The following ATP10A variants were observed in gnomAD, a reference collection of about 807,000 sequenced individuals.
ATP10A encodes the protein ATPase phospholipid transporting 10A (putative).
A neutral mutation model predicts 147.8 loss-of-function variants in ATP10A; 111 were observed. The ratio of observed to expected loss-of-function variants is 0.75; its 90% confidence interval spans 0.64 to 0.88. The LOEUF is 0.88. Ranked by LOEUF, ATP10A falls within the 40% of genes least tolerant of loss-of-function variation. ATP10A has a pLI of 0.00. For missense variants in ATP10A, 1,927 were observed against 1,959.0 expected (o/e 0.98, Z 0.31); for synonymous variants, 875 against 841.6 (o/e 1.04, Z -0.69).
chr15:25,746,341 T>C (rs145666012), intron 2 of ATP10A, among the ~76,000 whole-genome samples: 7 of 152,270 alleles, frequency 4.6e-5, no homozygotes, highest in Middle Eastern at 3.4e-3. Flanking sequence ...CCTAATAGCA[T>C]AAACTCAAAT....
intron 1 of ATP10A, among the ~76,000 whole-genome samples, chr15:25,842,065 GT>G (rs546512793): frequency 0.017 from 2,664 of 152,282 alleles, 33 homozygotes; most frequent in African/African-American, 0.042. Flanking sequence ...ACCTGTTGCT[GT>G]TGTGTGGGTG....
At chr15:25,722,063 A>G (rs1028433342) in intron 6 of ATP10A, among the ~76,000 whole-genome samples, 154 bp from the exon 7 acceptor site, 8 of 152,216 alleles carry the variant, frequency 5.3e-5, no homozygotes, top group African/African-American at 1.9e-4. Flanking sequence ...GTTTAGAGTC[A>G]GTATTGGAAA....
At chr15:25,732,733 G>T (rs527594289) in intron 3 of ATP10A, among the ~76,000 whole-genome samples, 11 of 151,594 alleles carry the variant, frequency 7.3e-5, no homozygotes, top group African/African-American at 9.7e-5. Flanking sequence ...TTTTTTGTAT[G>T]TTTAGTAGAG....
intron 13 of ATP10A, among the ~76,000 whole-genome samples, chr15:25,698,172 C>A (rs570777284): frequency 6.6e-6 from 1 of 152,230 alleles, no homozygotes; most frequent in South Asian, 2.1e-4. Flanking sequence ...ACATTGGCTC[C>A]TTAATGTGAT....
chr15:25,834,703 A>C (rs1892516720), intron 1 of ATP10A, among the ~76,000 whole-genome samples: 1 of 152,266 alleles, frequency 6.6e-6, no homozygotes, highest in Admixed American at 6.5e-5. Flanking sequence ...AGCCAAAAGT[A>C]GAAACAGCCC....
At position 25,732,168 on chromosome 15, in the gene ATP10A, T is replaced by C. The variant is rs116791612; in HGVS notation, c.740+3888A>G. 8.0e-3 allele frequency among the ~76,000 whole-genome samples: 1,216 copies of C among 152,270 alleles called. 16 individuals are homozygous for C. The highest frequency in any genetic ancestry group is 0.028 in the African/African-American group (1,155 of 41,548). On this transcript the variant is annotated intron_variant, in intron 3 of 20. Coordinates refer to ENST00000555815, the MANE Select transcript of ATP10A (RefSeq NM_024490.4). Reference sequence around the variant, plus strand: ...GGCATGAGCCACTGCACAGGCTAATTTTTTTTCTGTTTGTATTTGTATCAT... The same window carrying C: ...GGCATGAGCCACTGCACAGGCTAATCTTTTTTCTGTTTGTATTTGTATCAT...
At chr15:25,751,242 C>A (rs1001715962) in intron 2 of ATP10A, among the ~76,000 whole-genome samples, 6 of 151,982 alleles carry the variant, frequency 3.9e-5, no homozygotes, top group Non-Finnish European at 8.8e-5. Context: ...CCAAAATGCC[C>A]CTGACAACAA....
At chr15:25,697,531 C>A (rs889228776) in intron 13 of ATP10A, among the ~76,000 whole-genome samples, 18 of 152,108 alleles carry the variant, frequency 1.2e-4, no homozygotes, top group African/African-American at 3.9e-4. Flanking sequence ...CCAAAAGTTC[C>A]AAGAAGTAAG....
At chr15:25,812,113 T>A (rs1478845854) in intron 1 of ATP10A, among the ~76,000 whole-genome samples, 2 of 152,202 alleles carry the variant, frequency 1.3e-5, no homozygotes, top group Non-Finnish European at 2.9e-5. Context: ...GGGTTTGGGT[T>A]TGGCACTCTA....
intron 16 of ATP10A, 90 bp downstream of exon 16, chr15:25,687,613 C>T: frequency 1.1e-6 from 1 of 907,758 alleles, no homozygotes; most frequent in Non-Finnish European, 1.3e-6. Flanking sequence ...GGCCTCCCAT[C>T]TGCTCCATCC....
At chr15:25,848,556 C>G (rs1290290093) in intron 1 of ATP10A, among the ~76,000 whole-genome samples, 1 of 152,092 alleles carries the variant, frequency 6.6e-6, no homozygotes, top group Non-Finnish European at 1.5e-5. Flanking sequence ...GTTTCCTTGC[C>G]TTTTCCAGCT....
intron 1 of ATP10A, among the ~76,000 whole-genome samples, chr15:25,805,420 T>C (rs1186542610): frequency 1.3e-5 from 2 of 152,216 alleles, no homozygotes; most frequent in African/African-American, 2.4e-5. Flanking sequence ...CACTTAGCAA[T>C]GTATGTACCC....
At chr15:25,808,311 T>G (rs76995116) in intron 1 of ATP10A, among the ~76,000 whole-genome samples, 7,019 of 152,298 alleles carry the variant, frequency 0.046, 202 homozygotes, top group African/African-American at 0.082. Context: ...AAGGAAGGAT[T>G]ACCTCAACAC....
intron 2 of ATP10A, among the ~76,000 whole-genome samples, chr15:25,762,831 C>T (rs554433604): frequency 1.9e-4 from 29 of 152,230 alleles, no homozygotes; most frequent in Middle Eastern, 3.4e-3. Context: ...CCTCCCACCT[C>T]GGCCTCCCAA....
intron 1 of ATP10A, among the ~76,000 whole-genome samples, chr15:25,853,843 A>G (rs961955672): frequency 6.6e-6 from 1 of 152,114 alleles, no homozygotes; most frequent in East Asian, 1.9e-4. Context: ...CTAAAACAAA[A>G]CAAAACAAAA....
intron 1 of ATP10A, among the ~76,000 whole-genome samples, chr15:25,789,367 A>C (rs1260964316): frequency 6.6e-6 from 1 of 152,204 alleles, no homozygotes; most frequent in African/African-American, 2.4e-5. Flanking sequence ...TCCTTTGGCC[A>C]ACTAACAGGA....
At chr15:25,848,254 A>C (rs11637218) in intron 1 of ATP10A, among the ~76,000 whole-genome samples, 75,661 of 152,074 alleles carry the variant, frequency 0.5, 19,922 homozygotes, top group African/African-American at 0.65. Flanking sequence ...AAATTATGAC[A>C]ACTTGGTGGC....
Position 25,729,763 on chromosome 15 carries a change from C to T in ATP10A, c.741-2497G>A, listed in dbSNP as rs368989518. ...GGCTCAGCTTCTGCCGCCTTCAGGG[C>T]AGTCCTCCATGCCACACTCCCAGGC... On this transcript the variant is annotated intron_variant, in intron 3 of 20. Transcript: ENST00000555815. Among the ~76,000 whole-genome samples the T allele has an allele frequency of 3.2e-4, 49 of 152,294 alleles. 1 individual carries two copies. Among genetic ancestry groups the T allele is most frequent in the Middle Eastern group, 6.8e-3 (2 of 294 alleles).
At chr15:25,680,076 G>A (rs767412139) in intron 20 of ATP10A, 45 bp downstream of exon 20, 11 of 1,599,970 alleles carry the variant, frequency 6.9e-6, no homozygotes, top group Non-Finnish European at 8.5e-7. Flanking sequence ...AATGTCGTCT[G>A]GGCTCACTCG....
Sources: allele counts gnomAD v4.1 joint callset (sites outside exome capture counted in the v4.1 genomes callset), GRCh38; gene constraint gnomAD v4.1.1; transcripts MANE v1.5; gene names NCBI Gene and HGNC (gene_info 2026-07-23, HGNC 2026-07-21).